The following TNFRSF11A variants were observed in gnomAD, a reference collection of about 807,000 sequenced individuals.
TNFRSF11A encodes TNF receptor superfamily member 11a.
TNFRSF11A carries 32 observed loss-of-function variants against 55.7 expected under a neutral mutation model. The observed-to-expected ratio is 0.57, with a 90% CI of 0.43 to 0.77. The LOEUF (loss-of-function observed/expected upper bound fraction) is 0.77, where lower values mean the gene tolerates loss of function less well. Ranked by LOEUF, TNFRSF11A falls within the 30% of genes least tolerant of loss-of-function variation. The probability of loss-of-function intolerance (pLI) is 0.00; values close to 1 mark genes in which losing one functional copy is unlikely to be tolerated. For missense variants in TNFRSF11A, 753 were observed against 809.8 expected, an observed-to-expected ratio of 0.93 and a Z score of 0.85; for synonymous variants, 311 against 331.0, an observed-to-expected ratio of 0.94 and a Z score of 0.65.
At chr18:62,334,157 C>T (rs867830170) in intron 1 of TNFRSF11A, among the ~76,000 whole-genome samples, 14 of 152,286 alleles carry the variant, frequency 9.2e-5, no homozygotes, top group African/African-American at 3.1e-4. Context: ...TGAGCCACCG[C>T]GCCTGGCCTC....
At position 62,361,734 on chromosome 18, in the gene TNFRSF11A, C is replaced by A; in HGVS notation, c.671C>A (p.Ala224Asp). Reference protein sequence around the residue: ...LIILLLFASVALVAAIIFGVC... With the variant: ...LIILLLFASVDLVAAIIFGVC... ...ATTCTGCTTCTCTTCGCGTCTGTGG[C>A]CCTGGTGGCTGCCATCATCTTTGGC... Residue 224 changes from alanine (A) to aspartate (D), a missense_variant, in exon 7 of 10, where the codon GCC (alanine) becomes GAC (aspartate). By Grantham distance (126) the Ala-to-Asp change is moderately radical. Coordinates refer to ENST00000586569, the MANE Select transcript of TNFRSF11A (RefSeq NM_003839.4). 1 of 1,614,134 alleles carries A rather than the reference C, an allele frequency of 6.2e-7. No homozygotes were observed. Among genetic ancestry groups the A allele is most frequent in the East Asian group, 2.2e-5 (1 of 44,890 alleles).
chr18:62,366,782 G>A, intron 8 of TNFRSF11A, 22 bp downstream of exon 8: 2 of 1,613,636 alleles, frequency 1.2e-6, no homozygotes, highest in Non-Finnish European at 1.7e-6. Flanking sequence ...AGTTGTTGGT[G>A]CCTCTGTTAA....
At chr18:62,370,171 A>G (rs1910432108) in intron 9 of TNFRSF11A, among the ~76,000 whole-genome samples, 1 of 152,200 alleles carries the variant, frequency 6.6e-6, no homozygotes, top group Non-Finnish European at 1.5e-5. Flanking sequence ...CAACCCACCG[A>G]TTATAATATT....
At position 62,385,139 on chromosome 18, in the gene TNFRSF11A, C is replaced by T; in HGVS notation, c.*105C>T. 6 of 1,256,930 alleles carry T rather than the reference C, an allele frequency of 4.8e-6. No homozygotes were observed. The highest frequency in any genetic ancestry group is 3.2e-5 in the East Asian group (1 of 31,528). 77.9% of individuals were successfully genotyped at this position (1,256,930 alleles called of 1,614,324 possible). A position where few individuals can be genotyped will look rare whatever the true frequency, so the allele number is the denominator to read the frequency against. On this transcript the variant is annotated 3_prime_UTR_variant, in exon 10 of 10. Coordinates refer to ENST00000586569, the MANE Select transcript of TNFRSF11A (RefSeq NM_003839.4). ...CCACCCAGGGATCGATCGGTACAGTCGAGGAAGACCACCCGGCATTCTCTG... is the reference window on the plus strand; with the variant it reads ...CCACCCAGGGATCGATCGGTACAGTTGAGGAAGACCACCCGGCATTCTCTG...
At chr18:62,361,406 G>C (rs752559550) in intron 6 of TNFRSF11A, among the ~76,000 whole-genome samples, 1 of 152,198 alleles carries the variant, frequency 6.6e-6, no homozygotes, top group Non-Finnish European at 1.5e-5. Flanking sequence ...TGGTGAGCAT[G>C]ATGAGAGCTG....
At chr18:62,340,725 A>G (rs2046299535) in intron 1 of TNFRSF11A, among the ~76,000 whole-genome samples, 2 of 152,178 alleles carry the variant, frequency 1.3e-5, no homozygotes, top group South Asian at 2.1e-4. Context: ...GATTCTCTGT[A>G]TCTACCTCTG....
At chr18:62,354,280 C>G in intron 3 of TNFRSF11A, 111 bp from the exon 4 acceptor site, 1 of 1,366,912 alleles carries the variant, frequency 7.3e-7, no homozygotes, top group East Asian at 2.6e-5. Flanking sequence ...CTCTGCAGGC[C>G]TGCCAGGCGG....
intron 9 of TNFRSF11A, among the ~76,000 whole-genome samples, chr18:62,371,979 A>G (rs1363892571): frequency 3.1e-5 from 4 of 128,338 alleles, no homozygotes; most frequent in Non-Finnish European, 5.4e-5. Flanking sequence ...TTTTACTTAC[A>G]ATCACATCAA....
At chr18:62,345,068 A>G (rs1376324339) in intron 1 of TNFRSF11A, among the ~76,000 whole-genome samples, 3 of 152,230 alleles carry the variant, frequency 2.0e-5, no homozygotes, top group African/African-American at 7.2e-5. Context: ...GGAGTGACAG[A>G]AGCACTGGAT....
chr18:62,365,434 T>C (rs1910008561), intron 7 of TNFRSF11A, among the ~76,000 whole-genome samples: 1 of 152,242 alleles, frequency 6.6e-6, no homozygotes, highest in Admixed American at 6.5e-5. Context: ...GAACATATTC[T>C]TCTTTCTTCT....
chr18:62,352,568 C>T (rs1490319254), intron 3 of TNFRSF11A, among the ~76,000 whole-genome samples: 2 of 152,140 alleles, frequency 1.3e-5, no homozygotes, highest in African/African-American at 2.4e-5. Context: ...TTGATTAAAG[C>T]CAAAAATCTG....
Position 62,350,732 on chromosome 18 carries a change from G to C in TNFRSF11A, c.283+795G>C, listed in dbSNP as rs533188203. Reference sequence around the variant, plus strand: ...TATAAATATTTTATTAACACAGTCTGATCTCCTTACCAGACTGTCTTAAGT... The same window carrying C: ...TATAAATATTTTATTAACACAGTCTCATCTCCTTACCAGACTGTCTTAAGT... On this transcript the variant is annotated intron_variant, in intron 3 of 9. Coordinates refer to ENST00000586569, the MANE Select transcript of TNFRSF11A (RefSeq NM_003839.4). Among the ~76,000 whole-genome samples the C allele has an allele frequency of 7.9e-5, 12 of 152,218 alleles. 1 individual carries two copies. In the South Asian group the frequency reaches 2.3e-3, roughly 29 times the overall value.
chr18:62,372,205 G>A (rs1169183198), intron 9 of TNFRSF11A, among the ~76,000 whole-genome samples: 1 of 152,144 alleles, frequency 6.6e-6, no homozygotes, highest in Non-Finnish European at 1.5e-5. Context: ...CAGTGAAGGG[G>A]GAAGCATACT....
chr18:62,337,604 G>T (rs1417594550), intron 1 of TNFRSF11A, among the ~76,000 whole-genome samples: 1 of 152,174 alleles, frequency 6.6e-6, no homozygotes, highest in Non-Finnish European at 1.5e-5. Flanking sequence ...GGCACGTGCT[G>T]TACATTTGGC....
intron 6 of TNFRSF11A, among the ~76,000 whole-genome samples, chr18:62,360,323 C>T (rs1909584563): frequency 6.6e-6 from 1 of 152,112 alleles, no homozygotes; most frequent in Admixed American, 6.5e-5. Flanking sequence ...AATGCTCAGA[C>T]ATGGTGGGAT....
chr18:62,366,790 T>TA, intron 8 of TNFRSF11A, 30 bp downstream of exon 8: 15 of 1,612,070 alleles, frequency 9.3e-6, no homozygotes, highest in Non-Finnish European at 1.3e-5. Flanking sequence ...GTGCCTCTGT[T>TA]AAGTACATTC....
chr18:62,343,246 A>C (rs1329759572), intron 1 of TNFRSF11A, among the ~76,000 whole-genome samples: 2 of 152,248 alleles, frequency 1.3e-5, no homozygotes, highest in Non-Finnish European at 2.9e-5. Flanking sequence ...AAATCTATGG[A>C]AAATCCCTCA....
intron 3 of TNFRSF11A, 62 bp downstream of exon 3, chr18:62,349,999 A>G (rs2046442346): frequency 1.2e-6 from 2 of 1,604,884 alleles, no homozygotes; most frequent in African/African-American, 1.3e-5. Flanking sequence ...CTTTTTCTAT[A>G]GAAACATTTT....
intron 5 of TNFRSF11A, among the ~76,000 whole-genome samples, chr18:62,359,705 C>T (rs1909528284): frequency 6.6e-6 from 1 of 152,184 alleles, no homozygotes; most frequent in South Asian, 2.1e-4. Flanking sequence ...GAAGACTCTG[C>T]TCTGCTCCTT....
Sources: allele counts gnomAD v4.1 joint callset (sites outside exome capture counted in the v4.1 genomes callset), GRCh38; gene constraint gnomAD v4.1.1; transcripts MANE v1.5; gene names NCBI Gene and HGNC (gene_info 2026-07-23, HGNC 2026-07-21).